Variants in TLN2 observed in about 807,000 individuals in gnomAD.
TLN2 encodes the protein talin-2.
Under a neutral mutation model 294.7 loss-of-function variants are expected in TLN2, and 118 were observed. The ratio of observed to expected loss-of-function variants is 0.40; its 90% confidence interval spans 0.34 to 0.47. The LOEUF (loss-of-function observed/expected upper bound fraction) is 0.47. Among genes scored for constraint, TLN2 ranks in the 20% least tolerant of loss-of-function variants. The pLI is 0.84. For missense variants in TLN2, 3,083 were observed against 3,282.2 expected, an observed-to-expected ratio of 0.94 and a Z score of 1.48; for synonymous variants, 1,431 against 1,304.5, an observed-to-expected ratio of 1.10 and a Z score of -2.09.
At chr15:62,501,205 T>C (rs545930424) in intron 1 of TLN2, among the ~76,000 whole-genome samples, 1 of 152,358 alleles carries the variant, frequency 6.6e-6, no homozygotes, top group South Asian at 2.1e-4. Context: ...GAGGAACTTT[T>C]ATCTCTACTT....
At chr15:62,502,242 A>C (rs1308751507) in intron 1 of TLN2, among the ~76,000 whole-genome samples, 1 of 152,210 alleles carries the variant, frequency 6.6e-6, no homozygotes, top group Non-Finnish European at 1.5e-5. Flanking sequence ...TTGTTTTTCT[A>C]GGGAAAGGCA....
At chr15:62,798,123 T>C (rs1200166201) in intron 48 of TLN2, among the ~76,000 whole-genome samples, 1 of 152,116 alleles carries the variant, frequency 6.6e-6, no homozygotes, top group Non-Finnish European at 1.5e-5. Flanking sequence ...TCGAGTGCCA[T>C]CGAGGACATT....
At chr15:62,596,513 G>GCAGGCA (rs1442067743) in intron 2 of TLN2, among the ~76,000 whole-genome samples, 1 of 152,062 alleles carries the variant, frequency 6.6e-6, no homozygotes, top group African/African-American at 2.4e-5. Context: ...CAAAGTGAGT[G>GCAGGCA]GATCACCTGA....
At chr15:62,701,786 T>A (rs1331939153) in intron 17 of TLN2, among the ~76,000 whole-genome samples, 3 of 152,210 alleles carry the variant, frequency 2.0e-5, no homozygotes, top group Non-Finnish European at 4.4e-5. Flanking sequence ...TACTCAGTAT[T>A]TCAGTGCATG....
chr15:62,667,755 G>C (rs1347043391), intron 9 of TLN2, among the ~76,000 whole-genome samples: 3 of 152,184 alleles, frequency 2.0e-5, no homozygotes, highest in African/African-American at 7.2e-5. Flanking sequence ...CTTACGGTCA[G>C]ACTAGGAAAC....
intron 1 of TLN2, among the ~76,000 whole-genome samples, chr15:62,573,833 A>T (rs1269475068): frequency 7.3e-5 from 11 of 149,994 alleles, no homozygotes; most frequent in African/African-American, 2.7e-4. Flanking sequence ...AGAGGGATGC[A>T]TTATTATTCC....
chr15:62,709,132 G>A (rs556248148), intron 21 of TLN2, among the ~76,000 whole-genome samples: 2 of 152,310 alleles, frequency 1.3e-5, no homozygotes, highest in South Asian at 2.1e-4. Context: ...ATCAAGGCTT[G>A]GAATTTAAGA....
chr15:62,550,258 G>A (rs1245054526), intron 1 of TLN2, among the ~76,000 whole-genome samples: 3 of 152,128 alleles, frequency 2.0e-5, no homozygotes, highest in Admixed American at 6.5e-5. Context: ...GGAAATAATA[G>A]TTTAGGTTTA....
At chr15:62,511,961 C>G (rs2039960275) in intron 1 of TLN2, among the ~76,000 whole-genome samples, 2 of 152,130 alleles carry the variant, frequency 1.3e-5, no homozygotes, top group Admixed American at 1.3e-4. Flanking sequence ...CTGAAATGCT[C>G]CCTTGCCGTG....
rs752649390 is a variant in TLN2 at position 62,711,876 on chromosome 15, G to C, written c.2468-35G>C. 5.1e-6 allele frequency: 8 copies of C among 1,574,604 alleles called. No individual in the cohort carries two copies. In the East Asian group the frequency reaches 1.8e-4, roughly 36 times the overall value. Reference sequence around the variant, plus strand: ...AGGTTTTACTGACCTTTGAAAAGCAGACAAACAGACCTCATCCTCTATTCT... The same window carrying C: ...AGGTTTTACTGACCTTTGAAAAGCACACAAACAGACCTCATCCTCTATTCT... On this transcript the variant is annotated intron_variant, in intron 21 of 58. Transcript: ENST00000636159.
In TLN2 at chr15:62,833,605, G is replaced by A. The variant is rs142793310; in HGVS notation, c.7104G>A (p.Gln2368=). The A allele has an allele frequency of 2.2e-4, 348 of 1,613,994 alleles. No individual in the cohort carries two copies. Among genetic ancestry groups the A allele is most frequent in the Non-Finnish European group, 2.7e-4 (317 of 1,180,016 alleles). ...TGGTCAAATCGGCCTCAGCAGCCCA[G>A]AGGGAGCTGGTGGCCCAAGGAAAGG... is the stretch of plus-strand genomic sequence containing the variant. ...SALVKSASAA[Q]RELVAQGKVG... The change falls in exon 55 of 59, where the codon CAG becomes CAA. Residue 2368 remains glutamine, a synonymous_variant. Coordinates refer to ENST00000636159, the MANE Select transcript of TLN2 (RefSeq NM_015059.3).
chr15:62,549,207 C>T lies in TLN2; in HGVS notation c.-237-40480C>T, dbSNP rs546868822. ...GTAGGGCTCCCTGAGAGCCATACTC[C>T]AGTTACTTAAGATTCTTCTGTTCGG... is the stretch of plus-strand genomic sequence containing the variant. On this transcript the variant is annotated intron_variant, in intron 1 of 58. Coordinates refer to ENST00000636159, the MANE Select transcript of TLN2 (RefSeq NM_015059.3). Among the ~76,000 whole-genome samples, 6 of 152,294 alleles carry T rather than the reference C, an allele frequency of 3.9e-5. No homozygotes were observed. The East Asian group carries it at 1.2e-3, about 29-fold the overall frequency.
At chr15:62,633,510 G>T (rs1196266228) in intron 3 of TLN2, among the ~76,000 whole-genome samples, 1 of 152,066 alleles carries the variant, frequency 6.6e-6, no homozygotes, top group Non-Finnish European at 1.5e-5. Flanking sequence ...TTGCTATGTT[G>T]CCCAGGCTGG....
chr15:62,689,068 CTTTTT>C (rs796645804), intron 12 of TLN2, among the ~76,000 whole-genome samples: 1 of 116,628 alleles, frequency 8.6e-6, no homozygotes. Context: ...TTCTCTCTCT[CTTTTT>C]TTTTTTTTTT....
chr15:62,582,796 G>T (rs2045253694), intron 1 of TLN2, among the ~76,000 whole-genome samples: 1 of 152,174 alleles, frequency 6.6e-6, no homozygotes, highest in African/African-American at 2.4e-5. Flanking sequence ...TAACCTGTTG[G>T]AGGGAAGCTG....
At chr15:62,611,479 T>G (rs2047910672) in intron 2 of TLN2, among the ~76,000 whole-genome samples, 1 of 152,242 alleles carries the variant, frequency 6.6e-6, no homozygotes, top group African/African-American at 2.4e-5. Flanking sequence ...TATTCAGTAC[T>G]GTGTCCCCAG....
intron 42 of TLN2, among the ~76,000 whole-genome samples, chr15:62,774,880 TCCTTGGCAAGCGGTGCTCCTGTCTC>T (rs1488345001): frequency 6.6e-6 from 1 of 151,850 alleles, no homozygotes; most frequent in Non-Finnish European, 1.5e-5. Context: ...AGAGTACAGA[TCCTTGGCAAGCGGTGCTCCTGTCTC>T]CCCCAGAAGG....
At chr15:62,556,131 G>GT (rs1216413033) in intron 1 of TLN2, among the ~76,000 whole-genome samples, 4 of 148,608 alleles carry the variant, frequency 2.7e-5, no homozygotes, top group East Asian at 2.0e-4. Context: ...TATCTTTTTG[G>GT]TTTTTTTTAA....
intron 22 of TLN2, among the ~76,000 whole-genome samples, chr15:62,713,929 A>ATATATATATATATATATAC (rs368958929): frequency 8.0e-6 from 1 of 125,210 alleles, no homozygotes. Context: ...GTGTGTGTGT[A>ATATATATATATATATATAC]TGTGTGTGTG....
Sources: allele counts gnomAD v4.1 joint callset (sites outside exome capture counted in the v4.1 genomes callset), GRCh38; gene constraint gnomAD v4.1.1; transcripts MANE v1.5; gene names NCBI Gene and HGNC (gene_info 2026-07-23, HGNC 2026-07-21).